Variants in NEUROD1 observed in about 807,000 individuals in gnomAD.
NEUROD1 encodes the protein neurogenic differentiation factor 1.
In NEUROD1, 9 loss-of-function variants were observed where a neutral mutation model predicts 21.8. The ratio of observed to expected loss-of-function variants is 0.41; its 90% confidence interval spans 0.25 to 0.72. NEUROD1 has a LOEUF of 0.72. Among genes scored for constraint, NEUROD1 ranks in the 30% least tolerant of loss-of-function variants. The pLI, the probability that NEUROD1 is intolerant of heterozygous loss-of-function variation, is 0.31. For missense variants in NEUROD1, 434 were observed against 468.8 expected, an observed-to-expected ratio of 0.93 and a Z score of 0.69; for synonymous variants, 199 against 186.2, an observed-to-expected ratio of 1.07 and a Z score of -0.56.
chr2:181,669,705 A>T (rs187968379), downstream of NEUROD1, among the ~76,000 whole-genome samples: 448 of 152,318 alleles, frequency 2.9e-3, 4 homozygotes, highest in African/African-American at 0.01. Context: ...GCACAAAATG[A>T]AAAAGAAAGC....
chr2:181,673,132 C>A (rs1466709563), downstream of NEUROD1: 2 of 152,184 alleles, frequency 1.3e-5, no homozygotes, highest in Non-Finnish European at 2.9e-5. Flanking sequence ...CCAGCATTAA[C>A]ATAATACTCT....
chr2:181,672,972 A>G (rs777223029), downstream of NEUROD1: 3 of 152,204 alleles, frequency 2.0e-5, no homozygotes, highest in East Asian at 3.8e-4. Flanking sequence ...CTATCTCTCC[A>G]TATCATTTCA....
chr2:181,669,172 A>T (rs1574083931), downstream of NEUROD1, among the ~76,000 whole-genome samples: 2 of 152,180 alleles, frequency 1.3e-5, no homozygotes, highest in Non-Finnish European at 2.9e-5. Flanking sequence ...AAAAATGAGC[A>T]AGCAACAACA....
Position 181,678,897 on chromosome 2 carries a change from C to T in NEUROD1, c.-11-26G>A. The T allele has an allele frequency of 6.2e-7, 1 of 1,611,494 alleles. No individual in the cohort carries two copies. The highest frequency in any genetic ancestry group is 8.5e-7 in the Non-Finnish European group (1 of 1,179,988). ...CTACATTCAACAAGGGAGAGGCAAA[C>T]AGAAAGAAAAGCAGAAAAACGCTAT... On this transcript the variant is annotated intron_variant, in intron 1 of 1. Transcript: ENST00000295108. The surrounding 1 kb of genome is among the most constrained non-coding windows in gnomAD (Gnocchi z 5.5).
Position 181,671,033 on chromosome 2 carries a change from A to ATG in NEUROD1, n.2912_2913insCA, listed in dbSNP as rs1341013023. On this transcript the variant is annotated non_coding_transcript_exon_variant, in exon 2 of 2. Transcript: ENST00000496876. ...AAGTATAGCATATGTGTGCACACAC[A>ATG]CACACACACACACACACACACACCA... 3.4e-3 allele frequency among the ~76,000 whole-genome samples: 495 copies of ATG among 146,458 alleles called. 4 individuals carry two copies. Among genetic ancestry groups the ATG allele is most frequent in the African/African-American group, 0.011 (459 of 40,794 alleles).
chr2:181,679,581 GC>G (rs1166268552), intron 1 of NEUROD1, among the ~76,000 whole-genome samples: 1 of 152,220 alleles, frequency 6.6e-6, no homozygotes, highest in Non-Finnish European at 1.5e-5. Flanking sequence ...GTACAAAAGC[GC>G]TAGCTGCAGG....
At chr2:181,668,457 C>T (rs1225860505), downstream of NEUROD1, among the ~76,000 whole-genome samples, 1 of 152,112 alleles carries the variant, frequency 6.6e-6, no homozygotes, top group Non-Finnish European at 1.5e-5. Context: ...TCGCTTATCT[C>T]TCCCTTGTAA....
chr2:181,671,786 A>G (rs1219682980), downstream of NEUROD1, among the ~76,000 whole-genome samples: 4 of 152,100 alleles, frequency 2.6e-5, no homozygotes, highest in Non-Finnish European at 5.9e-5. Flanking sequence ...TGATGTTAAC[A>G]TTACTTAGTC....
At chr2:181,680,268 C>A (rs534483887) in intron 1 of NEUROD1, among the ~76,000 whole-genome samples, 162 bp downstream of exon 1, 54 of 152,216 alleles carry the variant, frequency 3.5e-4, no homozygotes, top group African/African-American at 1.2e-3. Context: ...TTGAGTGACA[C>A]GACTCATTAT....
At chr2:181,680,234 A>C (rs922794723) in intron 1 of NEUROD1, among the ~76,000 whole-genome samples, 196 bp downstream of exon 1, 3 of 152,174 alleles carry the variant, frequency 2.0e-5, no homozygotes, top group Admixed American at 2.0e-4. Flanking sequence ...TTAAAATTTA[A>C]ATTAGAAAGC....
Position 181,679,015 on chromosome 2 carries a change from G to A in NEUROD1, c.-11-144C>T, listed in dbSNP as rs917783133. 11 of 996,872 alleles carry A rather than the reference G, an allele frequency of 1.1e-5. No individual in the cohort carries two copies. In the African/African-American group the frequency reaches 1.5e-4, roughly 13 times the overall value. The allele number at this position is 996,872 out of a possible 1,614,324, so 61.8% of individuals were successfully genotyped here. A position where few individuals can be genotyped will look rare whatever the true frequency, so the allele number is the denominator to read the frequency against. On this transcript the variant is annotated intron_variant, in intron 1 of 1. Transcript: ENST00000295108. ...TGCCCATTACAAAATGAATGCCTCT[G>A]AGAAAAAGTTAAATGCAGTGTTTTA...
At chr2:181,674,136 A>G (rs1290223068), downstream of NEUROD1, among the ~76,000 whole-genome samples, 1 of 152,150 alleles carries the variant, frequency 6.6e-6, no homozygotes, top group Non-Finnish European at 1.5e-5. Flanking sequence ...GCCCAATTTC[A>G]TCTTTATGAA....
chr2:181,675,794 G>C (rs190859297), downstream of NEUROD1, among the ~76,000 whole-genome samples: 1 of 152,242 alleles, frequency 6.6e-6, no homozygotes, highest in African/African-American at 2.4e-5. Context: ...AGTACAAATA[G>C]TGTGTTCTTC....
rs779700941 is a variant in NEUROD1 at position 181,677,895 on chromosome 2, A to G, written c.966T>C (p.Ala322=). The change falls in exon 2 of 2, where the codon GCT becomes GCC. Residue 322 remains alanine (A), a synonymous_variant. Coordinates refer to ENST00000295108, the MANE Select transcript of NEUROD1 (RefSeq NM_002500.5). The stretch of plus-strand genomic sequence containing the variant: ...CTATGGGGATCTCGCAGCGAGGGGC[A>G]GCGGTGCCTGAGAAGATTGATCCGT... The part of the protein sequence containing the change: ...QSHGSIFSGT[A]APRCEIPIDN... 11 of 1,614,220 alleles carry G rather than the reference A, an allele frequency of 6.8e-6. No homozygotes were observed. In the South Asian group the frequency reaches 1.2e-4, roughly 18 times the overall value.
intron 1 of NEUROD1, among the ~76,000 whole-genome samples, chr2:181,679,966 G>A (rs754322532): frequency 6.6e-6 from 1 of 152,064 alleles, no homozygotes; most frequent in Non-Finnish European, 1.5e-5. Context: ...ATTTTCCATG[G>A]TGTGAATACT....
chr2:181,670,327 T>A (rs1688480411), downstream of NEUROD1, among the ~76,000 whole-genome samples: 1 of 152,214 alleles, frequency 6.6e-6, no homozygotes, highest in Non-Finnish European at 1.5e-5. Flanking sequence ...ACAATAAAAC[T>A]TTTATATAAT....
downstream of NEUROD1, among the ~76,000 whole-genome samples, chr2:181,674,564 G>A (rs746601160): frequency 1.3e-5 from 2 of 152,188 alleles, no homozygotes; most frequent in African/African-American, 2.4e-5. Context: ...TGTAGAATAT[G>A]TTTCTGACAT....
chr2:181,679,226 C>T lies in NEUROD1; in HGVS notation c.-11-355G>A, dbSNP rs570480059. On this transcript the variant is annotated intron_variant, in intron 1 of 1. Coordinates refer to ENST00000295108, the MANE Select transcript of NEUROD1 (RefSeq NM_002500.5). ...TGGAAATGACTGTACATTTCAGCGACTTCATGTTTATCCAAATGTGTTCAA... is the reference window on the plus strand; with the variant it reads ...TGGAAATGACTGTACATTTCAGCGATTTCATGTTTATCCAAATGTGTTCAA... Among the ~76,000 whole-genome samples the T allele has an allele frequency of 4.6e-5, 7 of 150,744 alleles. No homozygotes were observed. In the South Asian group the frequency reaches 6.3e-4, roughly 14 times the overall value.
Position 181,677,422 on chromosome 2 carries a change from T to G in NEUROD1, c.*368A>C, listed in dbSNP as rs896252229. 8 of 163,984 alleles carry G rather than the reference T, an allele frequency of 4.9e-5. No homozygotes were observed. The highest frequency in any genetic ancestry group is 4.6e-4 in the Admixed American group (8 of 17,274). 10.2% of individuals were successfully genotyped at this position (163,984 alleles called of 1,614,324 possible). The stretch of plus-strand genomic sequence containing the variant: ...GAAAAATATATATTTATATATATTT[T>G]AATTGGCCCATTACTAGTTTAAAAA... On this transcript the variant is annotated 3_prime_UTR_variant, in exon 2 of 2. Transcript: ENST00000295108.
Sources: allele counts gnomAD v4.1 joint callset (sites outside exome capture counted in the v4.1 genomes callset), GRCh38; gene constraint gnomAD v4.1.1; non-coding constraint Gnocchi (gnomAD v3.1); transcripts MANE v1.5; gene names NCBI Gene and HGNC (gene_info 2026-07-23, HGNC 2026-07-21).